RAB11FIP3: variants seen among roughly 807,000 people sequenced by gnomAD.
RAB11FIP3 encodes the protein RAB11 family interacting protein 3.
RAB11FIP3 carries 17 observed loss-of-function variants against 77.8 expected under a neutral mutation model. The observed-to-expected ratio is 0.22, with a 90% CI of 0.15 to 0.33. The LOEUF (loss-of-function observed/expected upper bound fraction) is 0.33. Ranked by LOEUF, RAB11FIP3 falls within the 10% of genes least tolerant of loss-of-function variation. The pLI is 1.00. For synonymous variants in RAB11FIP3, 437 were observed against 448.2 expected (o/e 0.98, Z 0.31); for missense variants, 1,005 against 1,011.2 (o/e 0.99, Z 0.08).
chr16:460,890 G>A lies in RAB11FIP3; in HGVS notation c.715-514G>A, dbSNP rs958672461. On this transcript the variant is annotated intron_variant, in intron 1 of 13. Coordinates refer to ENST00000262305, the MANE Select transcript of RAB11FIP3 (RefSeq NM_014700.4). Reference sequence around the variant, plus strand: ...TGCTGCCTGTCCTGTGGCTGTGACCGTCTGCAGTGGCCCATGGAGGCCGTG... The same window carrying A: ...TGCTGCCTGTCCTGTGGCTGTGACCATCTGCAGTGGCCCATGGAGGCCGTG... Among the ~76,000 whole-genome samples, 8 of 152,190 alleles carry A rather than the reference G, an allele frequency of 5.3e-5. No homozygotes were observed. In the East Asian group the frequency reaches 7.7e-4, roughly 15 times the overall value.
intron 5 of RAB11FIP3, among the ~76,000 whole-genome samples, chr16:493,908 T>C (rs1261239407): frequency 7.0e-6 from 1 of 142,606 alleles, no homozygotes; most frequent in African/African-American, 2.7e-5. Context: ...AGGTATATTA[T>C]CTTTTTCTTT....
rs2032650427 is a variant in RAB11FIP3, at chr16:520,758, C to A, written c.2190C>A (p.Ile730=). The A allele has an allele frequency of 1.2e-6, 2 of 1,613,790 alleles. No individual in the cohort carries two copies. Among genetic ancestry groups the A allele is most frequent in the East Asian group, 2.2e-5 (1 of 44,882 alleles). ...AGGCGATTCAGAAGCAGGAGGAGAT[C>A]AACTTCCGCCTGCAGGACTACATCG... ...LMEAIQKQEE[I]NFRLQDYIDR... The change falls in exon 14 of 14, where the codon ATC becomes ATA. Residue 730 remains isoleucine (I), a synonymous_variant. Transcript: ENST00000262305.
chr16:444,980 G>T (rs1020349325), intron 1 of RAB11FIP3, among the ~76,000 whole-genome samples: 17 of 151,882 alleles, frequency 1.1e-4, no homozygotes, highest in African/African-American at 4.1e-4. Context: ...CAGGCATCAT[G>T]GTGGGTACCT....
At chr16:459,938 C>T (rs576342812) in intron 1 of RAB11FIP3, among the ~76,000 whole-genome samples, 9 of 142,974 alleles carry the variant, frequency 6.3e-5, no homozygotes, top group Admixed American at 5.2e-4. Context: ...AGTGCAATGG[C>T]GCAATCTCTG....
chr16:492,424 TCCCCGGGAGACCCGAGGCCGC>T (rs2030508350), intron 5 of RAB11FIP3, among the ~76,000 whole-genome samples: 3 of 53,706 alleles, frequency 5.6e-5, no homozygotes, highest in Non-Finnish European at 1.0e-4. Flanking sequence ...CCCAGGGCCC[TCCCCGGGAGACCCGAGGCCGC>T]CCAGGGCCCT....
intron 3 of RAB11FIP3, among the ~76,000 whole-genome samples, chr16:474,240 GTTGA>G (rs1293572905): frequency 3.9e-5 from 6 of 151,932 alleles, no homozygotes; most frequent in African/African-American, 1.2e-4. Context: ...TGGTTGATTG[GTTGA>G]TTGATTGATA....
chr16:448,856 G>A (rs915453023), intron 1 of RAB11FIP3, among the ~76,000 whole-genome samples: 5 of 151,000 alleles, frequency 3.3e-5, no homozygotes, highest in East Asian at 3.9e-4. Context: ...TGGGGGTTGC[G>A]GTGAGCCAAG....
At chr16:489,315 G>C (rs536057246) in intron 5 of RAB11FIP3, among the ~76,000 whole-genome samples, 2 of 152,360 alleles carry the variant, frequency 1.3e-5, no homozygotes, top group Non-Finnish European at 2.9e-5. Flanking sequence ...ATGGTGGTCT[G>C]TGCAGGCTTT....
intron 1 of RAB11FIP3, among the ~76,000 whole-genome samples, chr16:443,308 C>T (rs374726459): frequency 1.3e-5 from 2 of 152,050 alleles, no homozygotes; most frequent in South Asian, 2.1e-4. Flanking sequence ...AGAAGGAAAA[C>T]GTCACAGATC....
chr16:497,036 G>A (rs2031197278), intron 6 of RAB11FIP3, 177 bp downstream of exon 6: 2 of 707,998 alleles, frequency 2.8e-6, no homozygotes, highest in Admixed American at 6.5e-5. Context: ...GGGTTTCCAG[G>A]GCTGTGAATT....
chr16:512,539 CTTTTTTTTTTTTT>C (rs766027431), intron 9 of RAB11FIP3, among the ~76,000 whole-genome samples: 3 of 105,614 alleles, frequency 2.8e-5, no homozygotes, highest in African/African-American at 3.9e-5. Context: ...CGCGCCCGGC[CTTTTTTTTTTTTT>C]TTTTTTTTTG....
rs988792671 is a variant in RAB11FIP3 at position 471,167 on chromosome 16, C to A, written c.809-128C>A. 1.9e-5 allele frequency: 14 copies of A among 733,990 alleles called. No homozygotes were observed. The highest frequency in any genetic ancestry group is 1.8e-5 in the African/African-American group (1 of 56,868). 45.5% of individuals were successfully genotyped at this position (733,990 alleles called of 1,614,324 possible). ...CACTCCCTTGCTTGTCTTGACCCCC[C>A]CCAGGGCCCCCAACTCCCACACATC... On this transcript the variant is annotated intron_variant, in intron 2 of 13. Coordinates refer to ENST00000262305, the MANE Select transcript of RAB11FIP3 (RefSeq NM_014700.4). This position sits in a 1 kb window ranked among gnomAD's most constrained non-coding sequence, Gnocchi z 4.4.
At position 472,886 on chromosome 16, in the gene RAB11FIP3, G is replaced by A. The variant is rs1469347833; in HGVS notation, c.903+1497G>A. Among the ~76,000 whole-genome samples the A allele has an allele frequency of 1.2e-4, 18 of 152,302 alleles. 1 individual carries two copies. In the East Asian group the frequency reaches 3.5e-3, roughly 29 times the overall value. On this transcript the variant is annotated intron_variant, in intron 3 of 13. Transcript: ENST00000262305. This position sits in a 1 kb window ranked among gnomAD's most constrained non-coding sequence, Gnocchi z 4.1. ...TTGGGCCCTAAATCCAGTGACAGGTGTCCCTGGAAGACGGGAGAGACACAC... is the reference window on the plus strand; with the variant it reads ...TTGGGCCCTAAATCCAGTGACAGGTATCCCTGGAAGACGGGAGAGACACAC...
Position 519,807 on chromosome 16 carries a change from A to C in RAB11FIP3, c.1776A>C (p.Glu592Asp). ...AGTCGCTGACGCTGCGGCTCAGTGAAGAGCAGGAGAACAAGAGGAGAATGG... is the reference window on the plus strand; with the variant it reads ...AGTCGCTGACGCTGCGGCTCAGTGACGAGCAGGAGAACAAGAGGAGAATGG... ...EIESLTLRLSEEQENKRRMGD... is the reference protein window; with the variant it reads ...EIESLTLRLSDEQENKRRMGD... The change falls in exon 11 of 14, where the codon GAA becomes GAC. Residue 592 changes from glutamate to aspartate, a missense_variant. Glu to Asp is a conservative substitution (Grantham distance 45). Around this residue, in one of 4 missense-constraint regions of RAB11FIP3, gnomAD observed 433 missense variants for 436.1 expected, o/e 0.99. Transcript: ENST00000262305. 1 of 1,609,114 alleles carries C rather than the reference A, an allele frequency of 6.2e-7. No individual in the cohort carries two copies. Among genetic ancestry groups the C allele is most frequent in the Non-Finnish European group, 8.5e-7 (1 of 1,177,978 alleles).
At chr16:443,331 A>G (rs2055257081) in intron 1 of RAB11FIP3, among the ~76,000 whole-genome samples, 2 of 152,242 alleles carry the variant, frequency 1.3e-5, no homozygotes, top group Non-Finnish European at 2.9e-5. Context: ...GCACGCTTAA[A>G]ATAAAAACAT....
chr16:469,054 TTTTAA>T (rs1376858563), intron 2 of RAB11FIP3, among the ~76,000 whole-genome samples: 5 of 152,024 alleles, frequency 3.3e-5, no homozygotes, highest in African/African-American at 1.2e-4. Context: ...GTAATTTAAT[TTTTAA>T]TTTATTATTA....
chr16:426,500 C>G lies in RAB11FIP3; in HGVS notation c.494C>G (p.Pro165Arg). 1.3e-6 allele frequency: 2 copies of G among 1,579,756 alleles called. No homozygotes were observed. Among genetic ancestry groups the G allele is most frequent in the South Asian group, 1.1e-5 (1 of 86,986 alleles). The change falls in exon 1 of 14, where the codon CCC becomes CGC. Residue 165 changes from proline (P) to arginine (R), a missense_variant. This residue lies in a region of RAB11FIP3 where 466 missense variants were observed against 408.3 expected (regional missense o/e 1.14). Transcript: ENST00000262305. The surrounding 1 kb of genome is among the most constrained non-coding windows in gnomAD (Gnocchi z 5.0). Reference protein sequence around the residue: ...RGEVDVFSPFPAPTAGELALE... With the variant: ...RGEVDVFSPFRAPTAGELALE... ...GAGGTCGACGTCTTCTCTCCCTTCC[C>G]CGCGCCCACGGCGGGCGAGCTGGCG...
At chr16:491,167 C>T (rs2030149193) in intron 5 of RAB11FIP3, 1 of 1,303,986 alleles carries the variant, frequency 7.7e-7, no homozygotes, top group African/African-American at 1.5e-5. Flanking sequence ...TGCACAGCAT[C>T]CTCACTGATG....
At chr16:475,440 G>A (rs116671898) in intron 3 of RAB11FIP3, among the ~76,000 whole-genome samples, 3,761 of 152,286 alleles carry the variant, frequency 0.025, 161 homozygotes, top group African/African-American at 0.085. Flanking sequence ...ATAAACTGCC[G>A]GGGCCGGTGT....
Sources: allele counts gnomAD v4.1 joint callset (sites outside exome capture counted in the v4.1 genomes callset), GRCh38; gene constraint gnomAD v4.1.1; regional missense constraint gnomAD v4.1.1; non-coding constraint Gnocchi (gnomAD v3.1); transcripts MANE v1.5; gene names NCBI Gene and HGNC (gene_info 2026-07-23, HGNC 2026-07-21).